The following SLC28A2 variants were observed in gnomAD, a reference collection of about 807,000 sequenced individuals.
The protein encoded by SLC28A2 is solute carrier family 28 member 2, also known as sodium/nucleoside cotransporter 2.
SLC28A2 carries 69 observed loss-of-function variants against 72.9 expected under a neutral mutation model. The observed-to-expected ratio is 0.95, with a 90% CI of 0.78 to 1.16. The LOEUF (loss-of-function observed/expected upper bound fraction) is 1.16. SLC28A2 is among the 50% of genes most tolerant of loss of function. The pLI is 0.00. For missense variants in SLC28A2, 745 were observed against 791.1 expected (o/e 0.94, Z 0.70); for synonymous variants, 296 against 294.1 (o/e 1.01, Z -0.07).
intron 3 of SLC28A2, among the ~76,000 whole-genome samples, chr15:45,258,388 G>A (rs1478369829): frequency 1.3e-5 from 2 of 151,872 alleles, no homozygotes; most frequent in East Asian, 3.9e-4. Context: ...ATAAACATAA[G>A]CCTTAATGAA....
intron 4 of SLC28A2, among the ~76,000 whole-genome samples, chr15:45,262,477 T>C (rs1302515837): frequency 1.3e-5 from 2 of 152,160 alleles, no homozygotes; most frequent in East Asian, 1.9e-4. Context: ...TCATTGGATA[T>C]AAAATATTCT....
intron 17 of SLC28A2, among the ~76,000 whole-genome samples, 178 bp downstream of exon 17, chr15:45,272,962 G>T (rs1298378986): frequency 1.3e-5 from 2 of 152,154 alleles, no homozygotes; most frequent in South Asian, 2.1e-4. Flanking sequence ...CAGCGACAGG[G>T]TCTACCTGTG....
At chr15:45,272,153 C>T (rs1439375974) in intron 15 of SLC28A2, 142 bp from the exon 16 acceptor site, 14 of 636,938 alleles carry the variant, frequency 2.2e-5, no homozygotes, top group Non-Finnish European at 3.3e-5. Context: ...GCAACACTGG[C>T]CAGTCTCAGG....
At chr15:45,264,113 A>T in intron 6 of SLC28A2, 91 bp downstream of exon 6, 1 of 1,242,642 alleles carries the variant, frequency 8.0e-7, no homozygotes, top group Non-Finnish European at 1.1e-6. Context: ...GTTAATTACA[A>T]GGGCATAGAA....
rs139849849 is a variant in SLC28A2, at chr15:45,253,865, C to T, written c.170+345C>T. 9.4e-4 allele frequency: 150 copies of T among 159,810 alleles called. 1 individual carries two copies. The highest frequency in any genetic ancestry group is 3.2e-3 in the African/African-American group (134 of 41,512). 9.9% of individuals were successfully genotyped at this position (159,810 alleles called of 1,614,324 possible). On this transcript the variant is annotated intron_variant, in intron 3 of 17. Transcript: ENST00000347644. ...TTTAATCCCTTTAGAAATTAATTTA[C>T]CATATCATTAAAAAAACAGTAGCTC...
chr15:45,269,180 A>C (rs1418255205), intron 13 of SLC28A2, among the ~76,000 whole-genome samples, 158 bp from the exon 14 acceptor site: 3 of 152,094 alleles, frequency 2.0e-5, no homozygotes, highest in African/African-American at 7.2e-5. Context: ...TAATAAAAAA[A>C]AAACAACCAT....
intron 3 of SLC28A2, chr15:45,255,299 G>T (rs1899942941): frequency 6.6e-6 from 1 of 151,062 alleles, no homozygotes; most frequent in Non-Finnish European, 1.5e-5. Context: ...ATGTAGTTTT[G>T]CAATGAATGT....
rs1200876829 is a variant in SLC28A2 at position 45,268,304 on chromosome 15, G to A, written c.1294G>A (p.Ala432Thr). The A allele has an allele frequency of 6.2e-7, 1 of 1,612,634 alleles. No homozygotes were observed. Among genetic ancestry groups the A allele is most frequent in the East Asian group, 2.2e-5 (1 of 44,842 alleles). The change falls in exon 13 of 18, where the codon GCT (alanine) becomes ACT (threonine). Residue 432 changes from alanine (A) to threonine (T), a missense_variant. Physicochemically the swap from Ala to Thr is moderately conservative, Grantham distance 58. Transcript: ENST00000347644. ...AGCAGCCAACCTGATTGCCTTTTTGGCTGTGTTGGCCTTCATCAATGCTGC... is the reference window on the plus strand; with the variant it reads ...AGCAGCCAACCTGATTGCCTTTTTGACTGTGTTGGCCTTCATCAATGCTGC... ...NVAANLIAFL[A>T]VLAFINAALS...
chr15:45,273,297 G>A (rs1055238702), intron 17 of SLC28A2, among the ~76,000 whole-genome samples: 39 of 152,160 alleles, frequency 2.6e-4, no homozygotes, highest in African/African-American at 9.2e-4. Flanking sequence ...AACTGAGAGA[G>A]GATAAAGTTG....
Position 45,253,421 on chromosome 15 carries a change from T to C in SLC28A2, c.82-11T>C. On this transcript the variant is annotated splice_polypyrimidine_tract_variant and intron_variant, in intron 2 of 17. Coordinates refer to ENST00000347644, the MANE Select transcript of SLC28A2 (RefSeq NM_004212.4). Reference sequence around the variant, plus strand: ...CTCCATGACTGATCCCAATGCTCTCTGTGCTTGTAGGAAAAAGAAGTAGAG... The same window carrying C: ...CTCCATGACTGATCCCAATGCTCTCCGTGCTTGTAGGAAAAAGAAGTAGAG... 1 of 1,610,808 alleles carries C rather than the reference T, an allele frequency of 6.2e-7. No individual in the cohort carries two copies. Among genetic ancestry groups the C allele is most frequent in the Non-Finnish European group, 8.5e-7 (1 of 1,176,998 alleles).
Position 45,270,202 on chromosome 15 carries a change from C to G in SLC28A2, c.1574C>G (p.Ala525Gly), listed in dbSNP as rs1900503295. The change falls in exon 15 of 18, where the codon GCT becomes GGT. Residue 525 changes from alanine to glycine, a missense_variant. Transcript: ENST00000347644. ...TATTTTTGTTTTCCCTAGGTGAGAG[C>G]TGAAATCATTACAACATTTTCACTC... ...EGEKQWISVRAEIITTFSLCG... is the reference protein window; with the variant it reads ...EGEKQWISVRGEIITTFSLCG... 3 of 1,611,778 alleles carry G rather than the reference C, an allele frequency of 1.9e-6. No individual in the cohort carries two copies. Among genetic ancestry groups the G allele is most frequent in the African/African-American group, 1.3e-5 (1 of 74,892 alleles).
intron 3 of SLC28A2, among the ~76,000 whole-genome samples, chr15:45,254,745 ACTT>A (rs781243925): frequency 1.8e-4 from 28 of 152,152 alleles, no homozygotes; most frequent in Non-Finnish European, 3.4e-4. Flanking sequence ...TACCTCAGTG[ACTT>A]CTTAAAATTT....
chr15:45,273,125 G>A (rs1488005948), intron 17 of SLC28A2, among the ~76,000 whole-genome samples: 4 of 152,084 alleles, frequency 2.6e-5, no homozygotes, highest in Admixed American at 6.5e-5. Context: ...CCAGGAGTTC[G>A]AGACAAGCCT....
chr15:45,266,634 G>A (rs1900346063), intron 10 of SLC28A2, among the ~76,000 whole-genome samples: 1 of 152,166 alleles, frequency 6.6e-6, no homozygotes, highest in Non-Finnish European at 1.5e-5. Flanking sequence ...TGCTCCATAT[G>A]TGCTACTGAC....
chr15:45,269,039 G>A, intron 13 of SLC28A2, among the ~76,000 whole-genome samples: 1 of 109,020 alleles, frequency 9.2e-6, no homozygotes, highest in African/African-American at 3.5e-5. Flanking sequence ...AGGGGGGAGG[G>A]ATGGCATTAG....
chr15:45,258,254 A>G (rs1253764751), intron 3 of SLC28A2, among the ~76,000 whole-genome samples: 1 of 114,778 alleles, frequency 8.7e-6, no homozygotes, highest in Non-Finnish European at 2.4e-5. Context: ...TTTTTGTCAA[A>G]TTTTATTTTA....
Position 45,266,082 on chromosome 15 carries a change from T to C in SLC28A2, c.863T>C (p.Val288Ala). Residue 288 changes from valine to alanine, a missense_variant and splice_region_variant, in exon 10 of 18, where the codon GTC becomes GCC. Val to Ala is a moderately conservative substitution (Grantham distance 64, BLOSUM62 0). Coordinates refer to ENST00000347644, the MANE Select transcript of SLC28A2 (RefSeq NM_004212.4). ...GTTTAGGTTTCTGTATTCTTCTAGG[T>C]CGCCTGGTTTTTACAAATCACTATG... ...LGLVQWVVQK[V>A]AWFLQITMGT... The C allele has an allele frequency of 6.2e-7, 1 of 1,609,822 alleles. No homozygotes were observed.
intron 7 of SLC28A2, 36 bp from the exon 8 acceptor site, chr15:45,265,053 T>G (rs1320492171): frequency 6.7e-7 from 1 of 1,503,568 alleles, no homozygotes; most frequent in Non-Finnish European, 9.3e-7. Flanking sequence ...TTGGGTTTCA[T>G]TCTTATTCTC....
intron 3 of SLC28A2, among the ~76,000 whole-genome samples, chr15:45,258,677 T>C (rs1363987546): frequency 6.6e-6 from 1 of 152,244 alleles, no homozygotes; most frequent in Non-Finnish European, 1.5e-5. Context: ...TATATTGTAC[T>C]TTGTACATTT....
Sources: gnomAD v4.1 joint callset for allele counts (sites outside exome capture counted in the v4.1 genomes callset) on GRCh38, gnomAD v4.1.1 for gene constraint, MANE v1.5 for transcripts, NCBI Gene and HGNC (gene_info 2026-07-23, HGNC 2026-07-21) for gene names.